The following MGAT5B variants were observed in gnomAD, a reference collection of about 807,000 sequenced individuals.
MGAT5B encodes alpha-1,6-mannosylglycoprotein 6-beta-N-acetylglucosaminyltransferase B, also known as N-acetylglucosaminyl-transferase Vb.
A neutral mutation model predicts 95.1 loss-of-function variants in MGAT5B; 54 were observed. That is an observed-to-expected ratio of 0.57 (90% CI 0.46 to 0.71). The LOEUF (loss-of-function observed/expected upper bound fraction) is 0.71. Ranked by LOEUF, MGAT5B falls within the 30% of genes least tolerant of loss-of-function variation. The probability of loss-of-function intolerance (pLI) is 0.00; values close to 1 mark genes in which losing one functional copy is unlikely to be tolerated. For synonymous variants in MGAT5B, 464 were observed against 451.0 expected, an observed-to-expected ratio of 1.03 and a Z score of -0.36; for missense variants, 935 against 1,088.6, an observed-to-expected ratio of 0.86 and a Z score of 1.99.
In MGAT5B at chr17:76,879,299, G is replaced by A. The variant is rs116296192; in HGVS notation, c.182-2852G>A. ...CCTAAGGCGCTCCAGGGAACACAGC[G>A]TCACCCCAAAAGCCACGCTGTGGGC... On this transcript the variant is annotated intron_variant, in intron 2 of 17. Coordinates refer to ENST00000569840, the MANE Select transcript of MGAT5B (RefSeq NM_001199172.2). Among the ~76,000 whole-genome samples, 624 of 152,234 alleles carry A rather than the reference G, an allele frequency of 4.1e-3. 6 individuals are homozygous for A. The highest frequency in any genetic ancestry group is 0.014 in the African/African-American group (595 of 41,524).
At chr17:76,932,371 G>A (rs1400271746) in intron 10 of MGAT5B, among the ~76,000 whole-genome samples, 1 of 151,984 alleles carries the variant, frequency 6.6e-6, no homozygotes, top group Non-Finnish European at 1.5e-5. Context: ...TGGGCTCAAG[G>A]GATCCTCCTG....
chr17:76,942,740 G>C (rs2145281975), intron 15 of MGAT5B, among the ~76,000 whole-genome samples: 1 of 152,230 alleles, frequency 6.6e-6, no homozygotes, highest in Admixed American at 6.5e-5. Context: ...ACCAACCCCA[G>C]CCCCCTGCAC....
At chr17:76,946,525 C>T (rs1352701767) in intron 16 of MGAT5B, 75 bp downstream of exon 16, 6 of 1,310,884 alleles carry the variant, frequency 4.6e-6, no homozygotes, top group Non-Finnish European at 5.2e-6. Context: ...TCATTGTCTG[C>T]CCAGGGCCCT....
At chr17:76,883,821 G>A (rs1238742681) in intron 3 of MGAT5B, among the ~76,000 whole-genome samples, 4 of 152,254 alleles carry the variant, frequency 2.6e-5, no homozygotes, top group Non-Finnish European at 5.9e-5. Context: ...GGAGTTGGGT[G>A]AAACAGAAGA....
At chr17:76,872,156 C>A (rs987410910) in intron 1 of MGAT5B, among the ~76,000 whole-genome samples, 14 of 151,754 alleles carry the variant, frequency 9.2e-5, no homozygotes, top group Non-Finnish European at 1.5e-4. Context: ...AGGCTGATGA[C>A]CCTGGGCGTG....
chr17:76,902,521 G>C (rs1311064280), intron 3 of MGAT5B, 34 bp from the exon 4 acceptor site: 1 of 1,518,034 alleles, frequency 6.6e-7, no homozygotes, highest in East Asian at 2.5e-5. Flanking sequence ...ACCCCGGCCG[G>C]TTCTGTGGCT....
Position 76,905,556 on chromosome 17 carries a change from A to C in MGAT5B, c.855+223A>C, listed in dbSNP as rs549513139. Among the ~76,000 whole-genome samples the C allele has an allele frequency of 5.3e-5, 8 of 152,296 alleles. No individual in the cohort carries two copies. The highest frequency in any genetic ancestry group is 1.7e-4 in the African/African-American group (7 of 41,568). On this transcript the variant is annotated intron_variant, in intron 7 of 17. Coordinates refer to ENST00000569840, the MANE Select transcript of MGAT5B (RefSeq NM_001199172.2). This position sits in a 1 kb window ranked among gnomAD's most constrained non-coding sequence, Gnocchi z 4.2. ...ATGACAAGCCCCCAAGAGGTCCTGCATTCTGTGTACATCTGGTTCATGTCA... is the reference window on the plus strand; with the variant it reads ...ATGACAAGCCCCCAAGAGGTCCTGCCTTCTGTGTACATCTGGTTCATGTCA...
chr17:76,910,152 CCTCA>C (rs1333606505), intron 8 of MGAT5B, among the ~76,000 whole-genome samples: 1 of 152,164 alleles, frequency 6.6e-6, no homozygotes, highest in Non-Finnish European at 1.5e-5. Flanking sequence ...ACAGCACGTC[CCTCA>C]CTCTGGCTCT....
At chr17:76,937,520 TGGATGCATGGATGGTG>T (rs1181061689) in intron 12 of MGAT5B, among the ~76,000 whole-genome samples, 1 of 151,570 alleles carries the variant, frequency 6.6e-6, no homozygotes, top group African/African-American at 2.4e-5. Flanking sequence ...GATGGATGGA[TGGATGCATGGATGGTG>T]GGTGCATGGA....
At chr17:76,892,470 C>T (rs779671545) in intron 3 of MGAT5B, among the ~76,000 whole-genome samples, 3 of 152,210 alleles carry the variant, frequency 2.0e-5, no homozygotes, top group Non-Finnish European at 2.9e-5. Context: ...GAGGAGAAGG[C>T]GACCTCAGGC....
At chr17:76,943,169 G>A (rs1296049725) in intron 15 of MGAT5B, among the ~76,000 whole-genome samples, 1 of 151,564 alleles carries the variant, frequency 6.6e-6, no homozygotes, top group Non-Finnish European at 1.5e-5. Flanking sequence ...TGCGGTGAGA[G>A]GAAACTTCCC....
At chr17:76,893,298 G>C (rs539418630) in intron 3 of MGAT5B, among the ~76,000 whole-genome samples, 2 of 152,258 alleles carry the variant, frequency 1.3e-5, no homozygotes, top group East Asian at 3.9e-4. Flanking sequence ...CCAGCACCGA[G>C]CAGGCACATG....
rs887672355 is a variant in MGAT5B, at chr17:76,930,646, C to G, written c.1292-1999C>G. On this transcript the variant is annotated intron_variant, in intron 10 of 17. Coordinates refer to ENST00000569840, the MANE Select transcript of MGAT5B (RefSeq NM_001199172.2). The surrounding 1 kb of genome is among the most constrained non-coding windows in gnomAD (Gnocchi z 4.1). ...GGACAGAGCTTTAGCAGTCACTGCA[C>G]TCCACACACGGCCATGGAATTGGAG... Among the ~76,000 whole-genome samples the G allele has an allele frequency of 2.0e-5, 3 of 152,226 alleles. No homozygotes were observed. Among genetic ancestry groups the G allele is most frequent in the African/African-American group, 7.2e-5 (3 of 41,452 alleles).
At chr17:76,882,537 A>G (rs1404270160) in intron 3 of MGAT5B, 5 of 442,314 alleles carry the variant, frequency 1.1e-5, no homozygotes, top group Non-Finnish European at 1.9e-5. Context: ...AGGCCTTTTA[A>G]TGACTTCTCC....
At chr17:76,872,541 C>G in intron 1 of MGAT5B, 1 of 900,604 alleles carries the variant, frequency 1.1e-6, no homozygotes, top group Non-Finnish European at 1.6e-6. Context: ...ACTGCACTTT[C>G]AGGACTGCAG....
At chr17:76,932,014 T>C (rs888679567) in intron 10 of MGAT5B, among the ~76,000 whole-genome samples, 1 of 151,634 alleles carries the variant, frequency 6.6e-6, no homozygotes, top group Admixed American at 6.6e-5. Flanking sequence ...CTTCCTTCTT[T>C]CTTCTTCCTC....
Position 76,948,682 on chromosome 17 carries a change from C to T in MGAT5B, c.2223C>T (p.His741=). Residue 741 remains histidine, a synonymous_variant, in exon 18 of 18, where the codon CAC becomes CAT. Transcript: ENST00000569840. ...ACAGCACCGAGTCGGAGATGAACCA[C>T]CTGTACCCGGCGTTCGCCCAGCCTG... is the stretch of plus-strand genomic sequence containing the variant. The part of the protein sequence containing the change: ...PCDSTESEMN[H]LYPAFAQPGQ... 2 of 1,613,460 alleles carry T rather than the reference C, an allele frequency of 1.2e-6. No individual in the cohort carries two copies. Among genetic ancestry groups the T allele is most frequent in the Non-Finnish European group, 1.7e-6 (2 of 1,179,880 alleles).
rs1485650185 is a variant in MGAT5B, at chr17:76,919,053, G to A, written c.1026-5913G>A. Among the ~76,000 whole-genome samples the A allele has an allele frequency of 3.3e-5, 5 of 152,306 alleles. No homozygotes were observed. In the East Asian group the frequency reaches 5.8e-4, roughly 18 times the overall value. On this transcript the variant is annotated intron_variant, in intron 8 of 17. Transcript: ENST00000569840. ...GAGCACGTGTCCCACATGTGGAGGC[G>A]GACACCAGAGCGATGTGGTGGCTCG...
At chr17:76,935,024 C>T (rs779502110) in intron 12 of MGAT5B, among the ~76,000 whole-genome samples, 49 of 152,216 alleles carry the variant, frequency 3.2e-4, no homozygotes, top group Non-Finnish European at 6.0e-4. Flanking sequence ...TTGTGCTAAG[C>T]GGGTCTGTCT....
Sources: gnomAD v4.1 joint callset for allele counts (sites outside exome capture counted in the v4.1 genomes callset) on GRCh38, gnomAD v4.1.1 for gene constraint, Gnocchi (gnomAD v3.1) non-coding constraint, MANE v1.5 for transcripts, NCBI Gene and HGNC (gene_info 2026-07-23, HGNC 2026-07-21) for gene names.